The following PCNX2 variants were observed in gnomAD, a reference collection of about 807,000 sequenced individuals.
PCNX2 encodes the protein pecanex 2, also known as pecanex-like protein 2.
Under a neutral mutation model 223.8 loss-of-function variants are expected in PCNX2, and 168 were observed. That is an observed-to-expected ratio of 0.75 (90% CI 0.66 to 0.85). The LOEUF (loss-of-function observed/expected upper bound fraction) is 0.85. Ranked by LOEUF, PCNX2 falls within the 40% of genes least tolerant of loss-of-function variation. The pLI, the probability that PCNX2 is intolerant of heterozygous loss-of-function variation, is 0.00. For synonymous variants in PCNX2, 1,006 were observed against 1,052.6 expected, an observed-to-expected ratio of 0.96 and a Z score of 0.86; for missense variants, 2,507 against 2,675.5, an observed-to-expected ratio of 0.94 and a Z score of 1.39.
Position 233,258,792 on chromosome 1 carries a change from G to C in PCNX2, c.1070C>G (p.Thr357Ser), listed in dbSNP as rs1345721609. 1.2e-6 allele frequency: 2 copies of C among 1,613,782 alleles called. No homozygotes were observed. The highest frequency in any genetic ancestry group is 1.7e-6 in the Non-Finnish European group (2 of 1,179,848). ...VDSSDSEVAV[T>S]LIDTSQPGDP... ...TCCGGGTTGAGAAGTATCGATGAGA[G>C]TAACAGCTACCTCACTATCTGAGGA... is the stretch of plus-strand genomic sequence containing the variant. Residue 357 changes from threonine to serine, a missense_variant, in exon 5 of 34, where the codon ACT becomes AGT. Physicochemically the swap from Thr to Ser is moderately conservative, Grantham distance 58. Around this residue, in one of 3 missense-constraint regions of PCNX2, gnomAD observed 1,031 missense variants for 1,021.7 expected, o/e 1.01. Coordinates refer to ENST00000258229, the MANE Select transcript of PCNX2 (RefSeq NM_014801.4).
chr1:233,278,512 T>C (rs149782582), intron 1 of PCNX2, among the ~76,000 whole-genome samples: 52 of 152,336 alleles, frequency 3.4e-4, no homozygotes, highest in African/African-American at 9.4e-4. Context: ...TCACAAGCCC[T>C]AATCTCATGG....
chr1:233,089,682 C>G (rs1196309475), intron 23 of PCNX2, among the ~76,000 whole-genome samples: 2 of 152,138 alleles, frequency 1.3e-5, no homozygotes, highest in African/African-American at 4.8e-5. Flanking sequence ...AGAATGCTCA[C>G]AGAAGGGATG....
At chr1:233,136,788 A>G (rs1676830182) in intron 20 of PCNX2, among the ~76,000 whole-genome samples, 2 of 151,738 alleles carry the variant, frequency 1.3e-5, no homozygotes, top group Non-Finnish European at 2.9e-5. Context: ...CCCTGTGGAA[A>G]GCCAAAGCCC....
At chr1:233,130,862 T>A (rs1281779356) in intron 21 of PCNX2, among the ~76,000 whole-genome samples, 1 of 142,544 alleles carries the variant, frequency 7.0e-6, no homozygotes, top group South Asian at 2.4e-4. Context: ...TCAGGGGGAG[T>A]GGGGGATTTG....
In PCNX2 at chr1:233,208,660, T is replaced by C. The variant is rs1008483474; in HGVS notation, c.2721A>G (p.Arg907=). ...CACACAGCACACAAAAATAGATTGG[T>C]CTGCTATATGTTATGATTTGGTTGT... is the stretch of plus-strand genomic sequence containing the variant. ...HGHNQIITYS[R]PIYFCVLCGL... Residue 907 remains arginine (R), a synonymous_variant, in exon 13 of 34, where the codon AGA becomes AGG. Transcript: ENST00000258229. 6.2e-7 allele frequency: 1 copy of C among 1,613,622 alleles called. No individual in the cohort carries two copies. The highest frequency in any genetic ancestry group is 8.5e-7 in the Non-Finnish European group (1 of 1,179,784).
chr1:233,304,701 A>G, the PCNX2 span, among the ~76,000 whole-genome samples: 1 of 152,228 alleles, frequency 6.6e-6, no homozygotes, highest in Non-Finnish European at 1.5e-5. Context: ...TGGCACCAGA[A>G]CACTGCTTAG....
intron 21 of PCNX2, among the ~76,000 whole-genome samples, chr1:233,108,228 C>T (rs779194558): frequency 6.6e-6 from 1 of 152,210 alleles, no homozygotes; most frequent in African/African-American, 2.4e-5. Context: ...TGCAGACTCA[C>T]CCTAAATTCT....
chr1:233,126,987 C>T lies in PCNX2; in HGVS notation c.3837+8026G>A, dbSNP rs59700162. Among the ~76,000 whole-genome samples, 3,009 of 152,232 alleles carry T rather than the reference C, an allele frequency of 0.02. 85 individuals carry two copies. The highest frequency in any genetic ancestry group is 0.069 in the African/African-American group (2,849 of 41,532). On this transcript the variant is annotated intron_variant, in intron 21 of 33. Transcript: ENST00000258229. The surrounding 1 kb of genome is among the most constrained non-coding windows in gnomAD (Gnocchi z 4.8). The stretch of plus-strand genomic sequence containing the variant: ...TAAACGTAATCAATTCTCTCTCAAA[C>T]GCCTCCTGAATTTGTTCCCTTCTTC...
intron 18 of PCNX2, among the ~76,000 whole-genome samples, chr1:233,160,786 G>A (rs1337842612): frequency 6.6e-6 from 1 of 152,164 alleles, no homozygotes; most frequent in Non-Finnish European, 1.5e-5. Context: ...CAATATTTTT[G>A]TATAGAGAAA....
At chr1:233,137,225 G>A (rs987735133) in intron 20 of PCNX2, among the ~76,000 whole-genome samples, 5 of 152,142 alleles carry the variant, frequency 3.3e-5, no homozygotes, top group African/African-American at 9.7e-5. Context: ...TGAGTTCTCC[G>A]GTTTCCTCAC....
the PCNX2 span, among the ~76,000 whole-genome samples, chr1:233,327,252 C>G: frequency 1.3e-5 from 2 of 152,070 alleles, no homozygotes. Flanking sequence ...TAAACTCTCC[C>G]GAAAATTTAT....
intron 21 of PCNX2, among the ~76,000 whole-genome samples, chr1:233,127,409 C>T (rs1448237388): frequency 6.6e-6 from 1 of 152,124 alleles, no homozygotes; most frequent in Non-Finnish European, 1.5e-5. Flanking sequence ...TCCTCCCTGC[C>T]TTCTTTGCCT....
intron 9 of PCNX2, among the ~76,000 whole-genome samples, chr1:233,229,256 C>CA (rs1657921283): frequency 1.3e-5 from 2 of 152,128 alleles, no homozygotes; most frequent in South Asian, 4.1e-4. Context: ...AATATTAATG[C>CA]AAAAGGCATC....
At chr1:233,022,696 T>C (rs1345744874) in intron 26 of PCNX2, among the ~76,000 whole-genome samples, 4 of 49,688 alleles carry the variant, frequency 8.1e-5, no homozygotes, top group Admixed American at 5.5e-4. Flanking sequence ...TTTTTCTTTC[T>C]TTTTTTTTTT....
intron 12 of PCNX2, among the ~76,000 whole-genome samples, chr1:233,216,223 C>T (rs1656896152): frequency 6.6e-6 from 1 of 152,166 alleles, no homozygotes; most frequent in Non-Finnish European, 1.5e-5. Flanking sequence ...GGGGCACTGC[C>T]TGTCCCATAG....
Position 233,258,192 on chromosome 1 carries a change from G to A in PCNX2, c.1670C>T (p.Pro557Leu). Residue 557 changes from proline to leucine, a missense_variant, in exon 5 of 34, where the codon CCA (proline) becomes CTA (leucine). By Grantham distance (98) the Pro-to-Leu change is moderately conservative. Coordinates refer to ENST00000258229, the MANE Select transcript of PCNX2 (RefSeq NM_014801.4). ...EIVNDTEKTM[P>L]TSKSDLEAKE... ...AGCCTCTAGGTCAGATTTGGAAGTT[G>A]GCATTGTTTTCTCTGTATCGTTAAC... The A allele has an allele frequency of 6.2e-7, 1 of 1,613,926 alleles. No homozygotes were observed. Among genetic ancestry groups the A allele is most frequent in the Non-Finnish European group, 8.5e-7 (1 of 1,179,860 alleles).
intron 32 of PCNX2, among the ~76,000 whole-genome samples, chr1:232,996,593 A>G (rs748876618): frequency 1.3e-5 from 2 of 151,992 alleles, no homozygotes; most frequent in African/African-American, 4.8e-5. Context: ...TTACCTATCT[A>G]TCTACCTACC....
At chr1:233,083,174 A>G (rs1360202878) in intron 23 of PCNX2, among the ~76,000 whole-genome samples, 1 of 152,210 alleles carries the variant, frequency 6.6e-6, no homozygotes, top group Non-Finnish European at 1.5e-5. Flanking sequence ...CCTCTGGAGC[A>G]AGGTGAAGGT....
intron 17 of PCNX2, among the ~76,000 whole-genome samples, chr1:233,176,354 T>C (rs1432512464): frequency 7.2e-5 from 11 of 152,208 alleles, no homozygotes; most frequent in Admixed American, 7.2e-4. Context: ...CTTTCTCTCC[T>C]TCTTCCTTTT....
Sources: gnomAD v4.1 joint callset for allele counts (sites outside exome capture counted in the v4.1 genomes callset) on GRCh38, gnomAD v4.1.1 for gene constraint, gnomAD v4.1.1 regional missense constraint, Gnocchi (gnomAD v3.1) non-coding constraint, MANE v1.5 for transcripts, NCBI Gene and HGNC (gene_info 2026-07-23, HGNC 2026-07-21) for gene names.